RNF128: variants seen among roughly 807,000 people sequenced by gnomAD.
The protein encoded by RNF128 is E3 ubiquitin-protein ligase RNF128.
In RNF128, 13 loss-of-function variants were observed where a neutral mutation model predicts 26.2. That is an observed-to-expected ratio of 0.50 (90% CI 0.32 to 0.79). The LOEUF is 0.79. RNF128 is among the 30% of genes least tolerant of loss of function. RNF128 has a pLI of 0.03. For missense variants in RNF128, 315 were observed against 349.7 expected (o/e 0.90, Z 0.79); for synonymous variants, 149 against 142.5 (o/e 1.05, Z -0.32).
chrX:106,729,133 G>T (rs531012747), intron 1 of RNF128, among the ~76,000 whole-genome samples: 6 of 111,561 alleles, frequency 5.4e-5, no homozygotes, highest in African/African-American at 9.8e-5. Context: ...TCTGTTAAGG[G>T]TATTTATCTG....
At chrX:106,764,198 C>A (rs989873689) in intron 1 of RNF128, among the ~76,000 whole-genome samples, 1 of 106,750 alleles carries the variant, frequency 9.4e-6, no homozygotes, top group Middle Eastern at 5.0e-3. Context: ...ATCTCCTGAC[C>A]TCGTGATCCA....
At chrX:106,794,236 C>A (rs887788165) in intron 6 of RNF128, among the ~76,000 whole-genome samples, 1 of 110,624 alleles carries the variant, frequency 9.0e-6, no homozygotes, top group African/African-American at 3.3e-5. Context: ...ATCCCTTGCT[C>A]ATATCATCCT....
At chrX:106,773,832 C>A (rs886906208) in intron 2 of RNF128, among the ~76,000 whole-genome samples, 1 of 111,463 alleles carries the variant, frequency 9.0e-6, no homozygotes, top group Non-Finnish European at 1.9e-5. Context: ...TTCCTGCCAC[C>A]ATTAAATTGT....
chrX:106,793,975 A>G (rs947047351), intron 6 of RNF128, among the ~76,000 whole-genome samples: 4 of 111,324 alleles, frequency 3.6e-5, no homozygotes, highest in African/African-American at 9.8e-5. Flanking sequence ...GACTACACAA[A>G]TGTCCTGGTA....
intron 1 of RNF128, among the ~76,000 whole-genome samples, chrX:106,739,472 T>C (rs951867453): frequency 2.7e-5 from 3 of 111,832 alleles, no homozygotes; most frequent in Non-Finnish European, 5.6e-5. Context: ...ATATTTTAAC[T>C]GTGTCAAAGC....
intron 3 of RNF128, 112 bp from the exon 4 acceptor site, chrX:106,787,806 C>T (rs1930683074): frequency 2.2e-6 from 1 of 460,331 alleles, no homozygotes; most frequent in Non-Finnish European, 3.7e-6. Flanking sequence ...ATATAATGCT[C>T]CTCCTTTTAT....
At chrX:106,787,872 G>A in intron 3 of RNF128, 46 bp from the exon 4 acceptor site, 1 of 901,766 alleles carries the variant, frequency 1.1e-6, no homozygotes, top group Non-Finnish European at 1.6e-6. Flanking sequence ...GTAGTTTAAT[G>A]TATTTTTTCT....
intron 1 of RNF128, among the ~76,000 whole-genome samples, chrX:106,718,409 G>C (rs1158568096): frequency 9.0e-6 from 1 of 111,481 alleles, no homozygotes; most frequent in Non-Finnish European, 1.9e-5. Flanking sequence ...CATCCAGAAT[G>C]TTCAACAGTC....
At chrX:106,696,310 G>C (rs1280693253) in intron 1 of RNF128, among the ~76,000 whole-genome samples, 1 of 110,635 alleles carries the variant, frequency 9.0e-6, no homozygotes, top group East Asian at 2.8e-4. Context: ...TTGGAATTTT[G>C]CCCTTTTAAG....
intron 1 of RNF128, among the ~76,000 whole-genome samples, chrX:106,753,717 A>G (rs1929944223): frequency 8.9e-6 from 1 of 112,098 alleles, no homozygotes; most frequent in African/African-American, 3.2e-5. Context: ...AACACACTTC[A>G]CCTATAAGGA....
intron 1 of RNF128, among the ~76,000 whole-genome samples, chrX:106,695,512 A>C (rs1928862136): frequency 8.9e-6 from 1 of 111,774 alleles, no homozygotes; most frequent in African/African-American, 3.2e-5. Flanking sequence ...AGTAAGATGA[A>C]CTTCAGCAGT....
intron 1 of RNF128, among the ~76,000 whole-genome samples, chrX:106,735,898 T>TA (rs780062733): frequency 9.0e-6 from 1 of 110,766 alleles, no homozygotes; most frequent in African/African-American, 3.3e-5. Context: ...TAGCTTTTTT[T>TA]ACCCTCCCCC....
intron 1 of RNF128, among the ~76,000 whole-genome samples, chrX:106,717,065 T>A (rs898696863): frequency 4.5e-5 from 5 of 110,017 alleles, no homozygotes; most frequent in Non-Finnish European, 9.5e-5. Context: ...TAGCCTGGCG[T>A]GGTGGCGGGC....
At chrX:106,724,996 A>G (rs1000876918), upstream of RNF128, among the ~76,000 whole-genome samples, 2 of 112,326 alleles carry the variant, frequency 1.8e-5, no homozygotes, top group African/African-American at 3.2e-5. Flanking sequence ...TCTGAACTTC[A>G]TTTTTGTAGC....
intron 2 of RNF128, among the ~76,000 whole-genome samples, chrX:106,777,747 A>T (rs1337140191): frequency 9.0e-6 from 1 of 111,458 alleles, no homozygotes; most frequent in East Asian, 2.8e-4. Context: ...AGGCGGGTGG[A>T]TCGCTTGAGC....
intron 1 of RNF128, among the ~76,000 whole-genome samples, chrX:106,709,483 A>G (rs1478464116): frequency 6.3e-5 from 7 of 111,798 alleles, no homozygotes; most frequent in Non-Finnish European, 1.3e-4. Context: ...TTATACTTTC[A>G]TAATATGAAG....
At chrX:106,732,107 C>T (rs1157481190) in intron 1 of RNF128, among the ~76,000 whole-genome samples, 3 of 111,668 alleles carry the variant, frequency 2.7e-5, no homozygotes, top group African/African-American at 9.8e-5. Flanking sequence ...ACTAACATTC[C>T]TTTGCTTCTG....
chrX:106,765,720 T>A (rs988880961), intron 1 of RNF128, among the ~76,000 whole-genome samples: 34 of 111,792 alleles, frequency 3.0e-4, no homozygotes, highest in African/African-American at 1.0e-3. Flanking sequence ...ATTTTGTTGG[T>A]TTTTTTATTA....
chrX:106,708,549 G>C (rs1281393741), intron 1 of RNF128, among the ~76,000 whole-genome samples: 1 of 111,969 alleles, frequency 8.9e-6, no homozygotes, highest in African/African-American at 3.3e-5. Flanking sequence ...TAAAATGTGG[G>C]GTTAGCACTT....
Sources: allele counts gnomAD v4.1 joint callset (sites outside exome capture counted in the v4.1 genomes callset), GRCh38; gene constraint gnomAD v4.1.1; transcripts MANE v1.5; gene names NCBI Gene and HGNC (gene_info 2026-07-23, HGNC 2026-07-21).